Variants in OTC observed in about 807,000 individuals in gnomAD.
OTC encodes the protein ornithine transcarbamylase, mitochondrial.
A neutral mutation model predicts 30.3 loss-of-function variants in OTC; 3 were observed. The observed-to-expected ratio is 0.10, with a 90% CI of 0.05 to 0.26. The LOEUF (loss-of-function observed/expected upper bound fraction) is 0.26. Ranked by LOEUF, OTC falls within the 10% of genes least tolerant of loss-of-function variation. The pLI is 1.00. For missense variants in OTC, 194 were observed against 260.3 expected (o/e 0.75, Z 1.75); for synonymous variants, 111 against 99.7 (o/e 1.11, Z -0.67).
intron 4 of OTC, among the ~76,000 whole-genome samples, chrX:38,387,207 G>A (rs1256264423): frequency 9.0e-6 from 1 of 111,306 alleles, no homozygotes; most frequent in Admixed American, 9.6e-5. Flanking sequence ...AACCCCTTGT[G>A]AGACACAGGT....
intron 5 of OTC, among the ~76,000 whole-genome samples, chrX:38,401,816 G>A (rs1247000258): frequency 4.5e-5 from 5 of 111,848 alleles, no homozygotes; most frequent in African/African-American, 1.6e-4. Flanking sequence ...AGTGTGCTTT[G>A]AATATTCAAA....
At chrX:38,416,431 G>A (rs1387043272) in intron 9 of OTC, among the ~76,000 whole-genome samples, 1 of 111,569 alleles carries the variant, frequency 9.0e-6, no homozygotes, top group Non-Finnish European at 1.9e-5. Context: ...GTAGATAGAT[G>A]TTTTCCCTCT....
intron 4 of OTC, among the ~76,000 whole-genome samples, chrX:38,382,530 G>A (rs1306480131): frequency 2.7e-5 from 3 of 112,117 alleles, no homozygotes; most frequent in Non-Finnish European, 3.8e-5. Context: ...TTTTAGTTAT[G>A]TTATTTCAGA....
At chrX:38,377,475 T>C (rs1183379310) in intron 3 of OTC, among the ~76,000 whole-genome samples, 2 of 110,890 alleles carry the variant, frequency 1.8e-5, no homozygotes, top group Non-Finnish European at 3.8e-5. Context: ...AACAGAAATA[T>C]ACAAAACAGA....
At chrX:38,361,302 T>TA (rs60764868) in intron 1 of OTC, among the ~76,000 whole-genome samples, 37,544 of 104,130 alleles carry the variant, frequency 0.36, 5,772 homozygotes, top group Middle Eastern at 0.5. Context: ...GAGACTCCGT[T>TA]AAAAAAAAAA....
chrX:38,383,090 A>AG (rs199812864), intron 4 of OTC, among the ~76,000 whole-genome samples: 5 of 107,757 alleles, frequency 4.6e-5, no homozygotes, highest in South Asian at 3.9e-4. Flanking sequence ...GTCTGCTTAC[A>AG]GTTTTTTTTT....
chrX:38,415,952 G>C (rs1447780863), intron 9 of OTC, among the ~76,000 whole-genome samples: 1 of 112,403 alleles, frequency 8.9e-6, no homozygotes, highest in Non-Finnish European at 1.9e-5. Context: ...CATGTGGCTG[G>C]TGGCTACACT....
At chrX:38,357,211 G>GGCT (rs942392191) in intron 1 of OTC, among the ~76,000 whole-genome samples, 1 of 111,930 alleles carries the variant, frequency 8.9e-6, no homozygotes, top group Non-Finnish European at 1.9e-5. Flanking sequence ...CTTAAATCTG[G>GGCT]GCTGAACTAG....
chrX:38,385,269 C>CAAAT (rs1753013850), intron 4 of OTC, among the ~76,000 whole-genome samples: 1 of 111,238 alleles, frequency 9.0e-6, no homozygotes, highest in Non-Finnish European at 1.9e-5. Flanking sequence ...GACTCTGTCT[C>CAAAT]AAATAAATAA....
chrX:38,393,334 T>C (rs1242750084), intron 4 of OTC, among the ~76,000 whole-genome samples: 1 of 112,686 alleles, frequency 8.9e-6, no homozygotes, highest in Non-Finnish European at 1.9e-5. Flanking sequence ...GTTGTTTACA[T>C]AGCCGATTAT....
upstream of OTC, among the ~76,000 whole-genome samples, chrX:38,348,541 C>CTTTTT (rs35261069): frequency 3.8e-3 from 336 of 88,746 alleles, 10 homozygotes; most frequent in African/African-American, 6.2e-3. Flanking sequence ...CTTTTTTTTT[C>CTTTTT]TTTTTTTTTT....
intron 5 of OTC, among the ~76,000 whole-genome samples, chrX:38,402,539 T>C (rs1170403613): frequency 8.9e-6 from 1 of 112,236 alleles, no homozygotes; most frequent in African/African-American, 3.2e-5. Flanking sequence ...TTTTAATCTT[T>C]TTAAATATAT....
At chrX:38,333,829 A>G in the OTC span, among the ~76,000 whole-genome samples, 1 of 112,698 alleles carries the variant, frequency 8.9e-6, no homozygotes, top group Middle Eastern at 4.6e-3. Flanking sequence ...GTGTGTCTCT[A>G]CAAACTCCGC....
intron 4 of OTC, among the ~76,000 whole-genome samples, chrX:38,394,153 T>C (rs1005980348): frequency 1.8e-5 from 2 of 112,683 alleles, no homozygotes; most frequent in African/African-American, 6.4e-5. Flanking sequence ...TTATTTTGTC[T>C]ACCACATGAC....
At chrX:38,360,035 A>C (rs1434077736) in intron 1 of OTC, among the ~76,000 whole-genome samples, 3 of 107,364 alleles carry the variant, frequency 2.8e-5, no homozygotes, top group Admixed American at 1.0e-4. Context: ...CTCCTGCCCC[A>C]GCCTCCCAAG....
intron 4 of OTC, among the ~76,000 whole-genome samples, chrX:38,383,989 G>T (rs976647328): frequency 1.8e-5 from 2 of 111,724 alleles, no homozygotes; most frequent in Non-Finnish European, 3.8e-5. Flanking sequence ...AATCAATGAA[G>T]GGAAAAGGCA....
rs67939655 is a variant in OTC, at chrX:38,367,353, A to C, written c.140A>C (p.Asn47Thr). 169 of 1,198,077 alleles carry C rather than the reference A, an allele frequency of 1.4e-4. No homozygotes were observed. Among genetic ancestry groups the C allele is most frequent in the Non-Finnish European group, 1.5e-4 (135 of 884,672 alleles). ...GGCCGTGACCTTCTCACTCTAAAAAACTTTACCGGAGAAGAAATTAAATAT... is the reference window on the plus strand; with the variant it reads ...GGCCGTGACCTTCTCACTCTAAAAACCTTTACCGGAGAAGAAATTAAATAT... ...LKGRDLLTLKNFTGEEIKYML... is the reference protein window; with the variant it reads ...LKGRDLLTLKTFTGEEIKYML... Residue 47 changes from asparagine to threonine, a missense_variant, in exon 2 of 10, where the codon AAC becomes ACC. By Grantham distance (65) the Asn-to-Thr change is moderately conservative. Transcript: ENST00000039007.
chrX:38,382,931 C>T (rs768902604), intron 4 of OTC, among the ~76,000 whole-genome samples: 1 of 111,810 alleles, frequency 8.9e-6, no homozygotes, highest in African/African-American at 3.2e-5. Flanking sequence ...GTGCAGTGGG[C>T]AGGATCCCAA....
the OTC span, among the ~76,000 whole-genome samples, chrX:38,344,009 A>C: frequency 9.0e-6 from 1 of 110,972 alleles, no homozygotes; most frequent in East Asian, 2.8e-4. Flanking sequence ...ATATTTTTAG[A>C]CAAACTACCA....
Sources: allele counts gnomAD v4.1 joint callset (sites outside exome capture counted in the v4.1 genomes callset), GRCh38; gene constraint gnomAD v4.1.1; transcripts MANE v1.5; gene names NCBI Gene and HGNC (gene_info 2026-07-23, HGNC 2026-07-21).